Variants in FRMD4A observed in about 807,000 individuals in gnomAD.
FRMD4A encodes FERM domain-containing protein 4A.
A neutral mutation model predicts 129.1 loss-of-function variants in FRMD4A; 29 were observed. The observed-to-expected ratio is 0.22, with a 90% confidence interval of 0.17 to 0.31. The LOEUF is 0.31. FRMD4A is among the 10% of genes least tolerant of loss of function. The probability of loss-of-function intolerance (pLI) is 1.00; values close to 1 mark genes in which losing one functional copy is unlikely to be tolerated. For missense variants in FRMD4A, 1,272 were observed against 1,375.8 expected, an observed-to-expected ratio of 0.92 and a Z score of 1.19; for synonymous variants, 634 against 571.6, an observed-to-expected ratio of 1.11 and a Z score of -1.56.
At chr10:13,768,985 ATTTT>A (rs10558942) in intron 6 of FRMD4A, among the ~76,000 whole-genome samples, 83 of 103,322 alleles carry the variant, frequency 8.0e-4, no homozygotes, top group South Asian at 1.1e-3. Context: ...ACTTTACTAG[ATTTT>A]TTTTTTTTTT....
chr10:14,152,418 G>A (rs1009878346), intron 2 of FRMD4A, among the ~76,000 whole-genome samples: 1 of 152,066 alleles, frequency 6.6e-6, no homozygotes, highest in Non-Finnish European at 1.5e-5. Flanking sequence ...GTGAGCCACC[G>A]CACTGGCCAT....
intron 2 of FRMD4A, among the ~76,000 whole-genome samples, chr10:14,238,464 C>A (rs776379792): frequency 4.6e-5 from 7 of 152,264 alleles, no homozygotes; most frequent in Non-Finnish European, 7.4e-5. Flanking sequence ...TTTAACATAT[C>A]TTTTTCCGTT....
intron 2 of FRMD4A, among the ~76,000 whole-genome samples, chr10:13,952,995 C>T (rs555535955): frequency 2.0e-4 from 30 of 152,290 alleles, no homozygotes; most frequent in Non-Finnish European, 4.1e-4. Context: ...CCCTGCCCGG[C>T]CCAAATTATG....
intron 2 of FRMD4A, among the ~76,000 whole-genome samples, chr10:14,152,019 G>A (rs749046551): frequency 5.3e-5 from 8 of 151,962 alleles, no homozygotes; most frequent in Non-Finnish European, 1.2e-4. Flanking sequence ...ACAGCATGAA[G>A]GGAGGGTGAT....
At chr10:13,652,045 G>C in intron 23 of FRMD4A, 71 bp from the exon 24 acceptor site, 1 of 833,218 alleles carries the variant, frequency 1.2e-6, no homozygotes, top group Non-Finnish European at 2.1e-6. Flanking sequence ...CACAGACACA[G>C]ACACGATTAG....
intron 2 of FRMD4A, among the ~76,000 whole-genome samples, chr10:13,929,940 A>C (rs879671415): frequency 6.6e-6 from 1 of 152,232 alleles, no homozygotes; most frequent in Non-Finnish European, 1.5e-5. Context: ...TATTCCATGA[A>C]AATCATACAG....
intron 2 of FRMD4A, among the ~76,000 whole-genome samples, chr10:13,970,071 T>A (rs939202631): frequency 6.6e-6 from 1 of 151,472 alleles, no homozygotes; most frequent in Non-Finnish European, 1.5e-5. Flanking sequence ...AGCTGGGGGA[T>A]TTTTTTTCCC....
chr10:13,835,917 T>C (rs1397629537), intron 3 of FRMD4A, among the ~76,000 whole-genome samples: 1 of 152,136 alleles, frequency 6.6e-6, no homozygotes, highest in Non-Finnish European at 1.5e-5. Flanking sequence ...GGGACCATTG[T>C]ATTATTATTT....
Position 14,330,902 on chromosome 10 carries a change from C to T in FRMD4A, c.-387G>A, listed in dbSNP as rs1474800383. On this transcript the variant is annotated 5_prime_UTR_variant, in exon 1 of 25. The change creates a premature stop within an existing upstream ORF in the 5' untranslated region. Coordinates refer to ENST00000357447, the MANE Select transcript of FRMD4A (RefSeq NM_018027.5). ...GAGCGTTCTGATCTCCCTGGCTGTA[C>T]CACATGTACGCCGCATACAGACACA... The T allele has an allele frequency of 5.0e-6, 2 of 398,602 alleles. No homozygotes were observed. The highest frequency in any genetic ancestry group is 8.8e-6 in the Non-Finnish European group (2 of 226,154). The allele number at this position is 398,602 out of a possible 1,614,324, so 24.7% of individuals were successfully genotyped here. A position where few individuals can be genotyped will look rare whatever the true frequency, so the allele number is the denominator to read the frequency against.
intron 2 of FRMD4A, among the ~76,000 whole-genome samples, chr10:14,143,366 A>G (rs904180660): frequency 6.6e-6 from 1 of 152,260 alleles, no homozygotes; most frequent in East Asian, 1.9e-4. Flanking sequence ...TGCTAAGTGA[A>G]ATAAGCTGGT....
At chr10:13,896,534 G>A (rs2094760576) in intron 2 of FRMD4A, among the ~76,000 whole-genome samples, 1 of 152,104 alleles carries the variant, frequency 6.6e-6, no homozygotes, top group South Asian at 2.1e-4. Flanking sequence ...TGAGGGGCAA[G>A]GGGAGGGAAA....
intron 2 of FRMD4A, among the ~76,000 whole-genome samples, chr10:14,062,614 C>T (rs7907710): frequency 0.41 from 62,695 of 152,094 alleles, 14,157 homozygotes; most frequent in Middle Eastern, 0.53. Context: ...CAGTGCATCC[C>T]TCTAAGTAGG....
intron 2 of FRMD4A, among the ~76,000 whole-genome samples, chr10:14,276,829 G>T (rs1845358458): frequency 6.6e-6 from 1 of 152,130 alleles, no homozygotes; most frequent in Non-Finnish European, 1.5e-5. Context: ...TGCAGGCATG[G>T]TCTAAACTTC....
chr10:13,894,594 T>A (rs1463905025), intron 2 of FRMD4A, among the ~76,000 whole-genome samples: 1 of 152,172 alleles, frequency 6.6e-6, no homozygotes, highest in Non-Finnish European at 1.5e-5. Context: ...TCCTGCCACA[T>A]CCTCTTTGTC....
At chr10:13,740,124 A>G (rs10906462) in intron 11 of FRMD4A, 70 bp downstream of exon 11, 825,480 of 874,742 alleles carry the variant, frequency 0.94, 395,035 homozygotes, top group Non-Finnish European at 1. Flanking sequence ...AGAAGAAAAC[A>G]TATAACGAGA....
rs115889251 is a variant in FRMD4A at position 13,683,206 on chromosome 10, A to G, written c.1118-8162T>C. Among the ~76,000 whole-genome samples the G allele has an allele frequency of 5.2e-3, 793 of 152,174 alleles. 8 individuals carry two copies. Among genetic ancestry groups the G allele is most frequent in the African/African-American group, 0.018 (750 of 41,526 alleles). ...AATAGAAGCCTCTGGAGCCCCTTCCACGTGCACGGTGGTGTGGGAGAGACA... is the reference window on the plus strand; with the variant it reads ...AATAGAAGCCTCTGGAGCCCCTTCCGCGTGCACGGTGGTGTGGGAGAGACA... On this transcript the variant is annotated intron_variant, in intron 15 of 24. Coordinates refer to ENST00000357447, the MANE Select transcript of FRMD4A (RefSeq NM_018027.5).
At position 14,006,776 on chromosome 10, in the gene FRMD4A, G is replaced by A. The variant is rs1253984747; in HGVS notation, c.46-147864C>T. On this transcript the variant is annotated intron_variant, in intron 2 of 24. Transcript: ENST00000357447. Reference sequence around the variant, plus strand: ...CACACTCAATAGCAGCCTGATCAATGTGTAAATTTTGCTGTCACTGATGGC... The same window carrying A: ...CACACTCAATAGCAGCCTGATCAATATGTAAATTTTGCTGTCACTGATGGC... 3.3e-5 allele frequency among the ~76,000 whole-genome samples: 5 copies of A among 152,292 alleles called. 1 individual carries two copies. The highest frequency in any genetic ancestry group is 6.8e-3 in the Middle Eastern group (2 of 294).
chr10:13,853,870 G>A (rs2094176041), intron 3 of FRMD4A, among the ~76,000 whole-genome samples: 1 of 151,132 alleles, frequency 6.6e-6, no homozygotes, highest in South Asian at 2.1e-4. Context: ...AAGTGGGGAT[G>A]GGGAAGAAAT....
At chr10:13,892,027 G>GCC (rs577257969) in intron 2 of FRMD4A, among the ~76,000 whole-genome samples, 23,232 of 136,240 alleles carry the variant, frequency 0.17, 1,690 homozygotes, top group Middle Eastern at 0.28. Flanking sequence ...GCGCGCCCCC[G>GCC]CCCCCCCAGA....
Sources: allele counts gnomAD v4.1 joint callset (sites outside exome capture counted in the v4.1 genomes callset), GRCh38; gene constraint gnomAD v4.1.1; transcripts MANE v1.5; gene names NCBI Gene and HGNC (gene_info 2026-07-23, HGNC 2026-07-21).